The following NIPA1 variants were observed in gnomAD, a reference collection of about 807,000 sequenced individuals.
NIPA1 encodes NIPA magnesium transporter 1.
A neutral mutation model predicts 23.9 loss-of-function variants in NIPA1; 13 were observed. That is an observed-to-expected ratio of 0.54 (90% CI 0.35 to 0.87). The LOEUF (loss-of-function observed/expected upper bound fraction) is 0.87, where lower values mean the gene tolerates loss of function less well. Among genes scored for constraint, NIPA1 ranks in the 40% least tolerant of loss-of-function variants. NIPA1 has a pLI of 0.01. For synonymous variants in NIPA1, 234 were observed against 202.9 expected (o/e 1.15, Z -1.30); for missense variants, 362 against 429.7 (o/e 0.84, Z 1.39).
At chr15:22,812,816 C>G (rs1895346146) in intron 3 of NIPA1, among the ~76,000 whole-genome samples, 1 of 152,142 alleles carries the variant, frequency 6.6e-6, no homozygotes, top group Non-Finnish European at 1.5e-5. Flanking sequence ...TGCTCTCATT[C>G]TCCTGGTCGT....
chr15:22,794,416 A>G (rs1894900094), intron 1 of NIPA1, among the ~76,000 whole-genome samples: 2 of 151,888 alleles, frequency 1.3e-5, no homozygotes, highest in African/African-American at 4.8e-5. Context: ...GAGTGTGGAG[A>G]TGGATGGTGG....
intron 1 of NIPA1, among the ~76,000 whole-genome samples, chr15:22,810,046 CA>C (rs11393089): frequency 2.7e-5 from 4 of 148,654 alleles, no homozygotes; most frequent in South Asian, 2.1e-4. Flanking sequence ...AACTCTGCCT[CA>C]AAAAAAAAAG....
At chr15:22,788,944 T>C (rs1441159883) in intron 1 of NIPA1, among the ~76,000 whole-genome samples, 1 of 100,034 alleles carries the variant, frequency 1.0e-5, no homozygotes, top group Non-Finnish European at 2.1e-5. Context: ...AAAAGATAAA[T>C]GCTGTTTCTT....
intron 1 of NIPA1, among the ~76,000 whole-genome samples, chr15:22,795,915 G>C (rs1184733920): frequency 1.3e-5 from 2 of 152,024 alleles, no homozygotes; most frequent in Admixed American, 1.3e-4. Context: ...GGGGAAGATA[G>C]ATAAATCCAC....
intron 2 of NIPA1, among the ~76,000 whole-genome samples, 165 bp from the exon 3 acceptor site, chr15:22,811,998 A>T (rs1895326560): frequency 6.6e-6 from 1 of 152,138 alleles, no homozygotes; most frequent in African/African-American, 2.4e-5. Context: ...GTGGTTCCTG[A>T]CCCCTGACCC....
intron 1 of NIPA1, among the ~76,000 whole-genome samples, chr15:22,798,431 G>A (rs1330654042): frequency 2.0e-5 from 3 of 149,770 alleles, no homozygotes; most frequent in African/African-American, 7.3e-5. Context: ...AGTAGAGACG[G>A]GGTTTCACCG....
At chr15:22,786,586 C>A, upstream of NIPA1, 1 of 564,978 alleles carries the variant, frequency 1.8e-6, no homozygotes, top group Non-Finnish European at 2.3e-6. Context: ...CCCGCGCCTC[C>A]CGGTCACCCC....
Position 22,806,328 on chromosome 15 carries a change from C to A in NIPA1, c.179-4421C>A, listed in dbSNP as rs902885208. On this transcript the variant is annotated intron_variant, in intron 1 of 4. Coordinates refer to ENST00000337435, the MANE Select transcript of NIPA1 (RefSeq NM_144599.5). ...CATCACTGTCAGTTGATACTGTCATCCTGGCAAGGCTCTTTTGTGTTTGCA... is the reference window on the plus strand; with the variant it reads ...CATCACTGTCAGTTGATACTGTCATACTGGCAAGGCTCTTTTGTGTTTGCA... Among the ~76,000 whole-genome samples the A allele has an allele frequency of 3.9e-5, 6 of 152,302 alleles. No individual in the cohort carries two copies. In the East Asian group the frequency reaches 9.6e-4, roughly 24 times the overall value.
At position 22,824,389 on chromosome 15, in the gene NIPA1, T is replaced by C; in HGVS notation, c.*150T>C. The C allele has an allele frequency of 1.3e-6, 1 of 763,674 alleles. No homozygotes were observed. Among genetic ancestry groups the C allele is most frequent in the South Asian group, 1.6e-5 (1 of 64,320 alleles). The allele number at this position is 763,674 out of a possible 1,614,324, so 47.3% of individuals were successfully genotyped here. ...TCTGGTGGATAGCGGGGAGCATGGCTCAGCACCAGAGCAGAGGCCCAGCCA... is the reference window on the plus strand; with the variant it reads ...TCTGGTGGATAGCGGGGAGCATGGCCCAGCACCAGAGCAGAGGCCCAGCCA... On this transcript the variant is annotated 3_prime_UTR_variant, in exon 5 of 5. Transcript: ENST00000337435. The surrounding 1 kb of genome is among the most constrained non-coding windows in gnomAD (Gnocchi z 4.1).
chr15:22,819,203 C>T (rs1035208237), intron 3 of NIPA1: 19 of 152,126 alleles, frequency 1.2e-4, no homozygotes, highest in Admixed American at 9.2e-4. Flanking sequence ...GTGTCATGAC[C>T]GTGCTTGTAT....
intron 1 of NIPA1, among the ~76,000 whole-genome samples, chr15:22,798,457 T>A (rs1595633311): frequency 6.8e-6 from 1 of 146,448 alleles, no homozygotes; most frequent in Non-Finnish European, 1.5e-5. Flanking sequence ...GCCAGGATGG[T>A]CTTGATCTCC....
intron 1 of NIPA1, among the ~76,000 whole-genome samples, chr15:22,799,874 G>T (rs1328850174): frequency 1.4e-5 from 2 of 147,514 alleles, no homozygotes; most frequent in Non-Finnish European, 3.0e-5. Flanking sequence ...AACCCAGGAG[G>T]TTGAGGCTTC....
Position 22,826,365 on chromosome 15 carries a change from A to G in NIPA1, c.*2126A>G, listed in dbSNP as rs1189045439. The G allele has an allele frequency of 6.6e-6, 1 of 152,172 alleles. No homozygotes were observed. The highest frequency in any genetic ancestry group is 1.5e-5 in the Non-Finnish European group (1 of 68,020). 9.4% of individuals were successfully genotyped at this position (152,172 alleles called of 1,614,324 possible). Reference sequence around the variant, plus strand: ...TTGGCTCTTGCAGGTTTTGTGTTTTATCATCAGTGCTTTTAGAAATGCAGG... The same window carrying G: ...TTGGCTCTTGCAGGTTTTGTGTTTTGTCATCAGTGCTTTTAGAAATGCAGG... On this transcript the variant is annotated 3_prime_UTR_variant, in exon 5 of 5. Coordinates refer to ENST00000337435, the MANE Select transcript of NIPA1 (RefSeq NM_144599.5).
intron 4 of NIPA1, among the ~76,000 whole-genome samples, chr15:22,822,065 T>G (rs1049312557): frequency 6.6e-6 from 1 of 152,198 alleles, no homozygotes; most frequent in East Asian, 1.9e-4. Flanking sequence ...TAGACTGACG[T>G]GGGGGTGTAA....
intron 1 of NIPA1, among the ~76,000 whole-genome samples, chr15:22,794,542 G>A (rs970438755): frequency 2.6e-5 from 4 of 151,998 alleles, no homozygotes; most frequent in South Asian, 4.1e-4. Flanking sequence ...CATGCTTTTC[G>A]GATTTTGTAG....
chr15:22,823,703 T>G (rs769798579), intron 4 of NIPA1, 25 bp from the exon 5 acceptor site: 2 of 1,585,730 alleles, frequency 1.3e-6, no homozygotes, highest in Non-Finnish European at 1.7e-6. Context: ...TGGCTCCGGG[T>G]GACTGTGTGC....
At chr15:22,789,630 G>A (rs767268565) in intron 1 of NIPA1, among the ~76,000 whole-genome samples, 41 of 152,284 alleles carry the variant, frequency 2.7e-4, no homozygotes, top group Middle Eastern at 3.4e-3. Context: ...GAGGCATGGA[G>A]GTGTCTTACA....
chr15:22,798,064 G>A (rs940271862), intron 1 of NIPA1, among the ~76,000 whole-genome samples: 86 of 150,942 alleles, frequency 5.7e-4, no homozygotes, highest in African/African-American at 2.0e-3. Context: ...AGCCAGGATG[G>A]TCTTGATCTC....
chr15:22,794,268 C>T (rs919373330), intron 1 of NIPA1, among the ~76,000 whole-genome samples: 23 of 142,682 alleles, frequency 1.6e-4, no homozygotes, highest in African/African-American at 5.5e-4. Flanking sequence ...ATGACAAAGC[C>T]GGTGATTCCG....
Sources: allele counts gnomAD v4.1 joint callset (sites outside exome capture counted in the v4.1 genomes callset), GRCh38; gene constraint gnomAD v4.1.1; non-coding constraint Gnocchi (gnomAD v3.1); transcripts MANE v1.5; gene names NCBI Gene and HGNC (gene_info 2026-07-23, HGNC 2026-07-21).